Variants in CFAP97D2 observed in about 807,000 individuals in gnomAD.
CFAP97D2 encodes the protein CFAP97 domain containing 2.
chr13:114,197,306 A>G (rs1274361959), intron 2 of CFAP97D2, among the ~76,000 whole-genome samples: 2 of 152,228 alleles, frequency 1.3e-5, no homozygotes, highest in Non-Finnish European at 2.9e-5. Flanking sequence ...GCTATCTATC[A>G]TGTTGGTATC....
intron 1 of CFAP97D2, among the ~76,000 whole-genome samples, chr13:114,190,141 TA>T (rs34812100): frequency 0.084 from 12,446 of 148,078 alleles, 522 homozygotes; most frequent in Middle Eastern, 0.17. Context: ...GGCCCCGTCT[TA>T]AAAAAAAAAG....
At position 114,186,330 on chromosome 13, in the gene CFAP97D2, G is replaced by A. The variant is rs1040747313; in HGVS notation, c.90+6910G>A. On this transcript the variant is annotated intron_variant, in intron 1 of 4. Coordinates refer to ENST00000646158, the Ensembl canonical transcript of CFAP97D2. The surrounding 1 kb of genome is among the most constrained non-coding windows in gnomAD (Gnocchi z 4.3). ...ACACTTGTCAGGATACCGTGGCTAT[G>A]GAGAGGAGCTGCCCACTGTGGGTCT... is the stretch of plus-strand genomic sequence containing the variant. Among the ~76,000 whole-genome samples, 1 of 152,168 alleles carries A rather than the reference G, an allele frequency of 6.6e-6. No individual in the cohort carries two copies. Among genetic ancestry groups the A allele is most frequent in the East Asian group, 1.9e-4 (1 of 5,198 alleles).
intron 1 of CFAP97D2, among the ~76,000 whole-genome samples, chr13:114,183,874 A>G (rs1273546549): frequency 1.3e-5 from 2 of 152,364 alleles, no homozygotes; most frequent in East Asian, 3.9e-4. Flanking sequence ...CATGCTGGAC[A>G]CAGTGGCTCA....
chr13:114,195,496 G>A (rs951211830), intron 1 of CFAP97D2, among the ~76,000 whole-genome samples: 4 of 152,110 alleles, frequency 2.6e-5, no homozygotes, highest in Admixed American at 2.0e-4. Flanking sequence ...CAATGCTGTC[G>A]CCTTCAGGTT....
At chr13:114,188,351 T>C (rs2080858064) in intron 1 of CFAP97D2, among the ~76,000 whole-genome samples, 1 of 150,790 alleles carries the variant, frequency 6.6e-6, no homozygotes, top group Non-Finnish European at 1.5e-5. Context: ...TAAATGAAAA[T>C]GGAAACACAA....
chr13:114,220,760 T>C (rs1035778286), intron 4 of CFAP97D2, among the ~76,000 whole-genome samples: 2 of 152,218 alleles, frequency 1.3e-5, no homozygotes, highest in Admixed American at 6.5e-5. Context: ...AATAATCGGC[T>C]GACTCAGTGC....
intron 4 of CFAP97D2, among the ~76,000 whole-genome samples, chr13:114,220,794 GA>G (rs2081017983): frequency 6.6e-6 from 1 of 152,250 alleles, no homozygotes; most frequent in African/African-American, 2.4e-5. Flanking sequence ...ACACACAATG[GA>G]TGTGAGTTGG....
Position 114,222,462 on chromosome 13 carries a change from GA to G in CFAP97D2, c.481-33del. ...TTGATAGTTTCTTGTTCTTGCCTAAGAAAGCGTTAGTTTCAAATATGTATTT... is the reference window on the plus strand; with the variant it reads ...TTGATAGTTTCTTGTTCTTGCCTAAGAAGCGTTAGTTTCAAATATGTATTT... On this transcript the variant is annotated intron_variant, in intron 4 of 4. Coordinates refer to ENST00000646158, the Ensembl canonical transcript of CFAP97D2. This position sits in a 1 kb window ranked among gnomAD's most constrained non-coding sequence, Gnocchi z 4.4. 2 of 398,574 alleles carry G rather than the reference GA, an allele frequency of 5.0e-6. No individual in the cohort carries two copies. The highest frequency in any genetic ancestry group is 8.8e-6 in the Non-Finnish European group (2 of 226,062). The allele number at this position is 398,574 out of a possible 1,614,324, so 24.7% of individuals were successfully genotyped here.
rs2080850982 is a variant in CFAP97D2, at chr13:114,185,442, TGTGGGAGCCAGGAATGA to T, written c.90+6032_90+6048del. Among the ~76,000 whole-genome samples, 4 of 152,252 alleles carry T rather than the reference TGTGGGAGCCAGGAATGA, an allele frequency of 2.6e-5. No homozygotes were observed. In the South Asian group the frequency reaches 8.3e-4, roughly 32 times the overall value. On this transcript the variant is annotated intron_variant, in intron 1 of 4. Transcript: ENST00000646158. This position sits in a 1 kb window ranked among gnomAD's most constrained non-coding sequence, Gnocchi z 5.2. ...CCAGGGCTGCACACTCCACGGAGCC[TGTGGGAGCCAGGAATGA>T]GTGGGAGCCCCACCCCTTCTGAGTT...
intron 1 of CFAP97D2, among the ~76,000 whole-genome samples, chr13:114,194,404 T>C (rs2080878685): frequency 6.6e-6 from 1 of 152,228 alleles, no homozygotes; most frequent in Non-Finnish European, 1.5e-5. Context: ...ACAAATTCTC[T>C]GGATTTCTCA....
rs1472289693 is a variant in CFAP97D2 at position 114,207,362 on chromosome 13, A to G, written c.291-4550A>G. Among the ~76,000 whole-genome samples, 1 of 152,140 alleles carries G rather than the reference A, an allele frequency of 6.6e-6. No homozygotes were observed. Among genetic ancestry groups the G allele is most frequent in the Non-Finnish European group, 1.5e-5 (1 of 68,014 alleles). On this transcript the variant is annotated intron_variant, in intron 3 of 4. Coordinates refer to ENST00000646158, the Ensembl canonical transcript of CFAP97D2. The surrounding 1 kb of genome is among the most constrained non-coding windows in gnomAD (Gnocchi z 4.9). ...ATTACATTGTAATATAGAATGAAGT[A>G]ATTATACAACTCAACATCATGTAGA...
intron 1 of CFAP97D2, among the ~76,000 whole-genome samples, chr13:114,181,185 G>A (rs2080830725): frequency 6.6e-6 from 1 of 152,212 alleles, no homozygotes; most frequent in East Asian, 1.9e-4. Context: ...CAGAGAACCA[G>A]TCCAGAAAGA....
In CFAP97D2 at chr13:114,203,105, G is replaced by A. The variant is rs189931878; in HGVS notation, c.290+2662G>A. 1.3e-5 allele frequency among the ~76,000 whole-genome samples: 2 copies of A among 152,134 alleles called. No homozygotes were observed. Among genetic ancestry groups the A allele is most frequent in the Admixed American group, 6.5e-5 (1 of 15,272 alleles). ...ACTGGACATGAAAATAAAAGACATC[G>A]AAATTGGGAAGGAAGAAGCAAACTA... On this transcript the variant is annotated intron_variant, in intron 3 of 4. Coordinates refer to ENST00000646158, the Ensembl canonical transcript of CFAP97D2. This position sits in a 1 kb window ranked among gnomAD's most constrained non-coding sequence, Gnocchi z 4.3.
At chr13:114,217,996 A>G (rs1298676655) in intron 4 of CFAP97D2, among the ~76,000 whole-genome samples, 1 of 152,182 alleles carries the variant, frequency 6.6e-6, no homozygotes, top group Non-Finnish European at 1.5e-5. Context: ...CACCACTCCT[A>G]TTCAACATAG....
chr13:114,201,716 G>T (rs1197330740), intron 3 of CFAP97D2, among the ~76,000 whole-genome samples: 2 of 152,242 alleles, frequency 1.3e-5, no homozygotes, highest in Admixed American at 6.5e-5. Context: ...GAGAGAAACA[G>T]TTCGTTTTCA....
chr13:114,214,403 C>T (rs1433753361), intron 4 of CFAP97D2: 2 of 152,184 alleles, frequency 1.3e-5, no homozygotes, highest in Non-Finnish European at 2.9e-5. Context: ...AATCAATTTT[C>T]TCAAATCTTT....
chr13:114,195,361 C>G (rs574901006), intron 1 of CFAP97D2, among the ~76,000 whole-genome samples: 1 of 152,200 alleles, frequency 6.6e-6, no homozygotes, highest in African/African-American at 2.4e-5. Context: ...CTTTCTCCAC[C>G]TCCTGACATC....
chr13:114,215,722 C>T (rs2080990364), intron 4 of CFAP97D2: 1 of 152,226 alleles, frequency 6.6e-6, no homozygotes, highest in Non-Finnish European at 1.5e-5. Flanking sequence ...GCAGTGCTTT[C>T]CCATGTCCTC....
chr13:114,202,745 C>T (rs1354285035), intron 3 of CFAP97D2, among the ~76,000 whole-genome samples: 3 of 152,190 alleles, frequency 2.0e-5, no homozygotes. Flanking sequence ...TTGTTCTGCC[C>T]ATTTCCTGTT....
Sources: gnomAD v4.1 joint callset for allele counts (sites outside exome capture counted in the v4.1 genomes callset) on GRCh38, gnomAD v4.1.1 for gene constraint, Gnocchi (gnomAD v3.1) non-coding constraint, MANE v1.5 for transcripts, NCBI Gene and HGNC (gene_info 2026-07-23, HGNC 2026-07-21) for gene names.